The following TRIM24 variants were observed in gnomAD, a reference collection of about 807,000 sequenced individuals.
TRIM24 encodes transcription intermediary factor 1-alpha.
Under a neutral mutation model 123.9 loss-of-function variants are expected in TRIM24, and 29 were observed. The observed-to-expected ratio is 0.23, with a 90% confidence interval of 0.17 to 0.32. The LOEUF is 0.32. Among genes scored for constraint, TRIM24 ranks in the 10% least tolerant of loss-of-function variants. TRIM24 has a pLI of 1.00. For missense variants in TRIM24, 932 were observed against 1,295.3 expected, an observed-to-expected ratio of 0.72 and a Z score of 4.31; for synonymous variants, 456 against 461.1, an observed-to-expected ratio of 0.99 and a Z score of 0.14.
chr7:138,538,266 A>G (rs76513843), intron 6 of TRIM24, among the ~76,000 whole-genome samples: 4,492 of 152,340 alleles, frequency 0.029, 189 homozygotes, highest in African/African-American at 0.094. Context: ...AGGTGAAATC[A>G]TATGATTGAG....
intron 4 of TRIM24, 134 bp from the exon 5 acceptor site, chr7:138,525,107 G>A: frequency 2.4e-6 from 1 of 420,458 alleles, no homozygotes; most frequent in Non-Finnish European, 4.2e-6. Flanking sequence ...CCTTATTAGG[G>A]ATACGTTTGA....
At chr7:138,497,077 AT>A (rs1449381817) in intron 1 of TRIM24, among the ~76,000 whole-genome samples, 1 of 152,160 alleles carries the variant, frequency 6.6e-6, no homozygotes, top group African/African-American at 2.4e-5. Context: ...TATCAGGGTA[AT>A]ACTGGCCTCA....
At chr7:138,571,159 G>T (rs945929908) in intron 11 of TRIM24, among the ~76,000 whole-genome samples, 156 bp downstream of exon 11, 4 of 152,004 alleles carry the variant, frequency 2.6e-5, no homozygotes, top group Non-Finnish European at 5.9e-5. Flanking sequence ...GTGAAACCCC[G>T]TCTCTACCAA....
chr7:138,549,161 G>C (rs1043235451), intron 7 of TRIM24, among the ~76,000 whole-genome samples: 3 of 152,196 alleles, frequency 2.0e-5, no homozygotes, highest in African/African-American at 7.2e-5. Context: ...GTGCTGTGAT[G>C]TTACAACAGC....
chr7:138,504,402 A>G lies in TRIM24; in HGVS notation c.477A>G (p.Ser159=). 6.6e-7 allele frequency: 1 copy of G among 1,521,172 alleles called. No individual in the cohort carries two copies. Among genetic ancestry groups the G allele is most frequent in the Non-Finnish European group, 8.8e-7 (1 of 1,136,556 alleles). The allele number at this position is 1,521,172 out of a possible 1,614,324, so 94.2% of individuals were successfully genotyped here. The change falls in exon 2 of 19, where the codon TCA becomes TCG. Residue 159 remains serine, a synonymous_variant. Transcript: ENST00000343526. ...TTCCCAGCAGTACAGTAGAAAAGTC[A>G]AATCAGGTAAGTGTATTACATCTTG... The part of the protein sequence containing the change: ...TEVPSSTVEK[S]NQVCTSCEDN...
At chr7:138,548,754 T>G (rs1797153075) in intron 7 of TRIM24, among the ~76,000 whole-genome samples, 1 of 152,224 alleles carries the variant, frequency 6.6e-6, no homozygotes, top group Non-Finnish European at 1.5e-5. Context: ...TACAAATTCT[T>G]CCTTATATCT....
chr7:138,500,563 CAAAAAAAAAAA>C (rs773042715), intron 1 of TRIM24, among the ~76,000 whole-genome samples: 5 of 61,414 alleles, frequency 8.1e-5, no homozygotes, highest in East Asian at 5.5e-4. Context: ...GACCTTGTTT[CAAAAAAAAAAA>C]AAAAAAAAAA....
At chr7:138,570,702 C>A in intron 10 of TRIM24, 128 bp from the exon 11 acceptor site, 1 of 722,714 alleles carries the variant, frequency 1.4e-6, no homozygotes, top group Non-Finnish European at 2.1e-6. Flanking sequence ...CAGTCTTTTG[C>A]TGTCCCATTC....
chr7:138,469,473 T>C (rs1795224079), intron 1 of TRIM24, among the ~76,000 whole-genome samples: 1 of 152,064 alleles, frequency 6.6e-6, no homozygotes, highest in South Asian at 2.1e-4. Context: ...CACACCTTGC[T>C]AATTTTTTTG....
intron 1 of TRIM24, among the ~76,000 whole-genome samples, chr7:138,482,813 G>A (rs534213220): frequency 6.6e-6 from 1 of 152,200 alleles, no homozygotes; most frequent in African/African-American, 2.4e-5. Flanking sequence ...ATGTTGCCCA[G>A]GTGGGTCTTG....
rs764415684 is a variant in TRIM24 at position 138,555,008 on chromosome 7, G to A, written c.1530+42G>A. On this transcript the variant is annotated intron_variant, in intron 9 of 18. Coordinates refer to ENST00000343526, the MANE Select transcript of TRIM24 (RefSeq NM_015905.3). The stretch of plus-strand genomic sequence containing the variant: ...GCCTGTCCTCACTTAGATAATTATA[G>A]TATAATTGTGTTTAGCAGCTCAAAA... 10 of 1,569,180 alleles carry A rather than the reference G, an allele frequency of 6.4e-6. No individual in the cohort carries two copies. In the East Asian group the frequency reaches 2.3e-4, roughly 35 times the overall value.
At chr7:138,561,359 C>T (rs931579340) in intron 9 of TRIM24, among the ~76,000 whole-genome samples, 1 of 149,276 alleles carries the variant, frequency 6.7e-6, no homozygotes, top group Non-Finnish European at 1.5e-5. Context: ...TCGCCTACTC[C>T]ATCTACACGG....
At chr7:138,549,520 T>C (rs746743483) in intron 7 of TRIM24, among the ~76,000 whole-genome samples, 7 of 152,128 alleles carry the variant, frequency 4.6e-5, no homozygotes, top group Non-Finnish European at 1.0e-4. Context: ...CATGGGATTA[T>C]AGCGTGCTAG....
intron 11 of TRIM24, among the ~76,000 whole-genome samples, chr7:138,571,878 CTA>C (rs1045514315): frequency 2.1e-4 from 32 of 151,286 alleles, no homozygotes; most frequent in African/African-American, 7.5e-4. Context: ...GCCAGTATGA[CTA>C]TTCCAAAGGC....
chr7:138,487,990 G>T lies in TRIM24; in HGVS notation c.365-16300G>T, dbSNP rs964283039. Among the ~76,000 whole-genome samples, 6 of 152,112 alleles carry T rather than the reference G, an allele frequency of 3.9e-5. No individual in the cohort carries two copies. In the East Asian group the frequency reaches 1.2e-3, roughly 29 times the overall value. ...TCTGGTCCTGGACTTTTTTTCGTTG[G>T]TAGGCTCTTAATTATTGCCTCAATT... is the stretch of plus-strand genomic sequence containing the variant. On this transcript the variant is annotated intron_variant, in intron 1 of 18. Coordinates refer to ENST00000343526, the MANE Select transcript of TRIM24 (RefSeq NM_015905.3).
chr7:138,545,711 G>A (rs1404749687), intron 7 of TRIM24, among the ~76,000 whole-genome samples: 3 of 152,024 alleles, frequency 2.0e-5, no homozygotes, highest in Non-Finnish European at 4.4e-5. Context: ...AGAAAGGGGG[G>A]GAAAGTAAAA....
Position 138,570,871 on chromosome 7 carries a change from C to T in TRIM24, c.1746C>T (p.Asn582=). The part of the protein sequence containing the change: ...SSGQGTPSTT[N]STSSTPSSPT... ...GACAGGGAACCCCATCAACTACCAA[C>T]AGCACATCCTCTACTCCTTCCAGCC... Residue 582 remains asparagine (N), a synonymous_variant, in exon 11 of 19, where the codon AAC becomes AAT. Coordinates refer to ENST00000343526, the MANE Select transcript of TRIM24 (RefSeq NM_015905.3). The T allele has an allele frequency of 2.5e-6, 4 of 1,614,160 alleles. No homozygotes were observed. The South Asian group carries it at 3.3e-5, about 13-fold the overall frequency.
chr7:138,489,104 G>A (rs1033860658), intron 1 of TRIM24, among the ~76,000 whole-genome samples: 6 of 152,070 alleles, frequency 3.9e-5, no homozygotes, highest in Admixed American at 1.3e-4. Flanking sequence ...ATTATGTATT[G>A]GCCTTCTTTG....
At chr7:138,465,017 GAA>G (rs1302426407) in intron 1 of TRIM24, among the ~76,000 whole-genome samples, 1 of 151,648 alleles carries the variant, frequency 6.6e-6, no homozygotes, top group Non-Finnish European at 1.5e-5. Flanking sequence ...ATTTCATGGG[GAA>G]AAAAAATCCT....
Sources: allele counts gnomAD v4.1 joint callset (sites outside exome capture counted in the v4.1 genomes callset), GRCh38; gene constraint gnomAD v4.1.1; transcripts MANE v1.5; gene names NCBI Gene and HGNC (gene_info 2026-07-23, HGNC 2026-07-21).